KLHL29: variants seen among roughly 807,000 people sequenced by gnomAD.
KLHL29 encodes kelch like family member 29.
A neutral mutation model predicts 80.4 loss-of-function variants in KLHL29; 21 were observed. The observed-to-expected ratio is 0.26, with a 90% confidence interval of 0.19 to 0.38. KLHL29 has a LOEUF of 0.38. KLHL29 is among the 10% of genes least tolerant of loss of function. KLHL29 has a pLI of 1.00. For synonymous variants in KLHL29, 511 were observed against 526.8 expected (o/e 0.97, Z 0.41); for missense variants, 867 against 1,223.9 (o/e 0.71, Z 4.35).
At chr2:23,651,230 A>G (rs1670079097) in intron 5 of KLHL29, among the ~76,000 whole-genome samples, 1 of 152,188 alleles carries the variant, frequency 6.6e-6, no homozygotes, top group Non-Finnish European at 1.5e-5. Context: ...AAACATTTGT[A>G]TTATATCTAT....
chr2:23,627,657 G>A (rs377627962), intron 3 of KLHL29, among the ~76,000 whole-genome samples: 3 of 152,210 alleles, frequency 2.0e-5, no homozygotes, highest in Admixed American at 6.5e-5. Context: ...GCTGCCCCTC[G>A]GTGTGACTCT....
At chr2:23,508,248 A>G (rs1008071135) in intron 2 of KLHL29, among the ~76,000 whole-genome samples, 1 of 152,256 alleles carries the variant, frequency 6.6e-6, no homozygotes, top group Non-Finnish European at 1.5e-5. Flanking sequence ...TCTGTAGGTC[A>G]GGACTTCAGA....
intron 1 of KLHL29, among the ~76,000 whole-genome samples, chr2:23,458,454 G>A (rs1222310216): frequency 1.3e-5 from 2 of 152,232 alleles, no homozygotes; most frequent in Non-Finnish European, 2.9e-5. Context: ...GCTGCATTTG[G>A]CCACAGGCTA....
chr2:23,706,601 C>A lies in KLHL29; in HGVS notation c.2565C>A (p.His855Gln). ...PTTNTWTLLP[H>Q]MPCPVFRHGC... ...CCAACACATGGACCCTCCTCCCCCA[C>A]ATGCCCTGCCCTGTGTTCAGACACG... The change falls in exon 14 of 14, where the codon CAC becomes CAA. Residue 855 changes from histidine (H) to glutamine (Q), a missense_variant. Physicochemically the swap from His to Gln is conservative, Grantham distance 24 (BLOSUM62 0). Transcript: ENST00000486442. The A allele has an allele frequency of 6.5e-7, 1 of 1,537,224 alleles. No homozygotes were observed. The highest frequency in any genetic ancestry group is 8.7e-7 in the Non-Finnish European group (1 of 1,146,842).
At chr2:23,481,762 C>G (rs1030288915) in intron 2 of KLHL29, among the ~76,000 whole-genome samples, 1 of 152,164 alleles carries the variant, frequency 6.6e-6, no homozygotes, top group Non-Finnish European at 1.5e-5. Context: ...CTAGAAAATA[C>G]AAAAATCAGC....
chr2:23,604,934 C>T (rs1558405510), intron 3 of KLHL29, among the ~76,000 whole-genome samples: 1 of 152,256 alleles, frequency 6.6e-6, no homozygotes, highest in Non-Finnish European at 1.5e-5. Flanking sequence ...GTACAAGGGC[C>T]AGGCCCCTCT....
chr2:23,633,792 T>TGTGTGTGTGTGTGTGTGTGTGTGTG (rs1190935622), intron 3 of KLHL29, among the ~76,000 whole-genome samples: 3 of 151,796 alleles, frequency 2.0e-5, no homozygotes, highest in Non-Finnish European at 4.4e-5. Flanking sequence ...TGTGTGTGTG[T>TGTGTGTGTGTGTGTGTGTGTGTGTG]TTAATTTGAC....
chr2:23,453,322 T>G (rs1663944922), intron 1 of KLHL29, among the ~76,000 whole-genome samples: 1 of 152,198 alleles, frequency 6.6e-6, no homozygotes, highest in African/African-American at 2.4e-5. Flanking sequence ...CTACCTGTCC[T>G]GTGTGACAGA....
rs1331301074 is a variant in KLHL29 at position 23,562,150 on chromosome 2, A to G, written c.-45-2A>G. 1 of 1,547,460 alleles carries G rather than the reference A, an allele frequency of 6.5e-7. No individual in the cohort carries two copies. The highest frequency in any genetic ancestry group is 8.7e-7 in the Non-Finnish European group (1 of 1,146,284). On this transcript the variant is annotated splice_acceptor_variant, in intron 2 of 13. Transcript: ENST00000486442. LOFTEE classifies it low-confidence loss of function (5UTR_SPLICE). This position sits in a 1 kb window ranked among gnomAD's most constrained non-coding sequence, Gnocchi z 4.5. ...ACCCTTCTCTCCACCCTGTCACCAC[A>G]GGTCCGGGCTCTGTTTCCCTGTGAG... is the stretch of plus-strand genomic sequence containing the variant.
intron 2 of KLHL29, among the ~76,000 whole-genome samples, chr2:23,516,853 G>A (rs1161930036): frequency 6.6e-6 from 1 of 152,148 alleles, no homozygotes; most frequent in African/African-American, 2.4e-5. Context: ...GGTGAGGCAG[G>A]AGGCAGGAGG....
At chr2:23,590,303 G>C (rs1038752162) in intron 3 of KLHL29, among the ~76,000 whole-genome samples, 15 of 152,194 alleles carry the variant, frequency 9.9e-5, no homozygotes, top group African/African-American at 3.6e-4. Context: ...CTCTGCCCAA[G>C]CAGAGTTCTA....
intron 13 of KLHL29, 110 bp downstream of exon 13, chr2:23,703,973 G>C: frequency 4.8e-6 from 6 of 1,242,834 alleles, no homozygotes; most frequent in Non-Finnish European, 6.6e-6. Flanking sequence ...CCCAGGCCCA[G>C]AGCAGTGGCC....
chr2:23,390,403 G>A (rs190603174), intron 1 of KLHL29, among the ~76,000 whole-genome samples: 153 of 152,264 alleles, frequency 1.0e-3, no homozygotes, highest in African/African-American at 3.6e-3. Context: ...GCGCAAAGAC[G>A]ACAGCCGCTA....
In KLHL29 at chr2:23,562,341, G is replaced by T; in HGVS notation, c.145G>T (p.Val49Phe). ...TGGCGGCACAGCCAGCAGCCTCAGC[G>T]TCCGGCCCGGCCTCCTGCCGCTGCC... is the stretch of plus-strand genomic sequence containing the variant. ...AGGGTASSLS[V>F]RPGLLPLPVV... The change falls in exon 3 of 14, where the codon GTC (valine) becomes TTC (phenylalanine). Residue 49 changes from valine (V) to phenylalanine (F), a missense_variant. By Grantham distance (50) the Val-to-Phe change is conservative. This residue lies in a region of KLHL29 where 424 missense variants were observed against 456.9 expected (regional missense o/e 0.93). Coordinates refer to ENST00000486442, the MANE Select transcript of KLHL29 (RefSeq NM_052920.2). This position sits in a 1 kb window ranked among gnomAD's most constrained non-coding sequence, Gnocchi z 4.5. The T allele has an allele frequency of 6.5e-7, 1 of 1,544,012 alleles. No homozygotes were observed. The highest frequency in any genetic ancestry group is 1.2e-5 in the South Asian group (1 of 83,876).
At chr2:23,673,633 C>A (rs201912026) in intron 5 of KLHL29, among the ~76,000 whole-genome samples, 1 of 149,254 alleles carries the variant, frequency 6.7e-6, no homozygotes, top group African/African-American at 2.5e-5. Context: ...CACACACACA[C>A]ATACACACAC....
chr2:23,550,488 G>A (rs559091148), intron 2 of KLHL29, among the ~76,000 whole-genome samples: 9 of 152,172 alleles, frequency 5.9e-5, no homozygotes, highest in Non-Finnish European at 1.0e-4. Context: ...CATTCACTCC[G>A]GACAGGGATG....
chr2:23,569,248 G>A (rs1330035146), intron 3 of KLHL29, among the ~76,000 whole-genome samples: 1 of 152,226 alleles, frequency 6.6e-6, no homozygotes, highest in Non-Finnish European at 1.5e-5. Context: ...AAATTCTGAT[G>A]GGGAGACTTC....
intron 2 of KLHL29, among the ~76,000 whole-genome samples, chr2:23,556,273 A>G (rs2339788): frequency 0.55 from 84,101 of 151,860 alleles, 23,582 homozygotes; most frequent in Admixed American, 0.6. Context: ...TGTCTGTCCC[A>G]GACTGCTACG....
At chr2:23,602,142 C>G (rs1047674775) in intron 3 of KLHL29, among the ~76,000 whole-genome samples, 2 of 152,224 alleles carry the variant, frequency 1.3e-5, no homozygotes, top group Admixed American at 6.5e-5. Flanking sequence ...ATCCACTGCT[C>G]ATTTTCCCCA....
Sources: allele counts gnomAD v4.1 joint callset (sites outside exome capture counted in the v4.1 genomes callset), GRCh38; gene constraint gnomAD v4.1.1; regional missense constraint gnomAD v4.1.1; non-coding constraint Gnocchi (gnomAD v3.1); transcripts MANE v1.5; gene names NCBI Gene and HGNC (gene_info 2026-07-23, HGNC 2026-07-21).